Variants in SPIDR observed in about 807,000 individuals in gnomAD.
SPIDR encodes DNA repair-scaffolding protein.
A neutral mutation model predicts 104.6 loss-of-function variants in SPIDR; 93 were observed. The ratio of observed to expected loss-of-function variants is 0.89; its 90% CI spans 0.75 to 1.06. SPIDR has a LOEUF of 1.06. SPIDR is among the 50% of genes least tolerant of loss of function. The probability of loss-of-function intolerance (pLI) is 0.00; values close to 1 mark genes in which losing one functional copy is unlikely to be tolerated. For synonymous variants in SPIDR, 431 were observed against 416.9 expected (o/e 1.03, Z -0.41); for missense variants, 1,154 against 1,111.2 (o/e 1.04, Z -0.55).
intron 7 of SPIDR, among the ~76,000 whole-genome samples, chr8:47,417,846 A>G (rs1289164326): frequency 2.0e-5 from 3 of 152,160 alleles, no homozygotes; most frequent in South Asian, 2.1e-4. Flanking sequence ...ACATATGGCT[A>G]GCCAGTTTTC....
At chr8:47,323,107 GAAAAA>G (rs79721470) in intron 5 of SPIDR, among the ~76,000 whole-genome samples, 1 of 142,124 alleles carries the variant, frequency 7.0e-6, no homozygotes, top group Non-Finnish European at 1.5e-5. Context: ...AAGAAGAAGA[GAAAAA>G]AAAAAGAAAA....
chr8:47,530,170 T>C (rs1262148935), intron 8 of SPIDR, among the ~76,000 whole-genome samples: 1 of 152,156 alleles, frequency 6.6e-6, no homozygotes, highest in Admixed American at 6.6e-5. Context: ...TGATAAATAT[T>C]TGTGTGTCTA....
intron 10 of SPIDR, among the ~76,000 whole-genome samples, chr8:47,641,739 T>C (rs376574835): frequency 1.4e-4 from 21 of 152,262 alleles, no homozygotes; most frequent in African/African-American, 5.1e-4. Context: ...CAGGGAAACT[T>C]GGCCACTTAC....
chr8:47,489,535 C>T (rs1331870998), intron 8 of SPIDR, among the ~76,000 whole-genome samples: 2 of 152,076 alleles, frequency 1.3e-5, no homozygotes, highest in African/African-American at 4.8e-5. Flanking sequence ...AAAAGAGCCA[C>T]ATTGCCAAGA....
intron 4 of SPIDR, 71 bp from the exon 5 acceptor site, chr8:47,293,796 T>C: frequency 6.9e-7 from 1 of 1,446,752 alleles, no homozygotes; most frequent in Non-Finnish European, 9.4e-7. Flanking sequence ...TATTAACTGC[T>C]AAGAATAAAA....
chr8:47,625,231 G>C (rs866085676), intron 10 of SPIDR, among the ~76,000 whole-genome samples: 1 of 152,140 alleles, frequency 6.6e-6, no homozygotes, highest in Admixed American at 6.5e-5. Context: ...TTGATGAGAC[G>C]TACCTCAAAA....
At chr8:47,698,810 G>A (rs541568403) in intron 11 of SPIDR, among the ~76,000 whole-genome samples, 8 of 152,246 alleles carry the variant, frequency 5.3e-5, no homozygotes, top group African/African-American at 1.7e-4. Context: ...CCTTTTACAC[G>A]GGGCTCTCTA....
At chr8:47,554,720 C>G (rs76550862) in intron 8 of SPIDR, among the ~76,000 whole-genome samples, 1 of 152,198 alleles carries the variant, frequency 6.6e-6, no homozygotes, top group African/African-American at 2.4e-5. Context: ...GTGCCCCACC[C>G]TGCTTCGGCT....
chr8:47,525,805 G>A (rs959970714), intron 8 of SPIDR, among the ~76,000 whole-genome samples: 10 of 152,094 alleles, frequency 6.6e-5, no homozygotes, highest in African/African-American at 2.2e-4. Context: ...ACAAGGCACG[G>A]TGGTAGCACT....
intron 5 of SPIDR, among the ~76,000 whole-genome samples, chr8:47,317,450 C>G (rs1462374939): frequency 2.0e-5 from 3 of 152,262 alleles, no homozygotes; most frequent in South Asian, 4.2e-4. Context: ...AACAAAGCCA[C>G]AGGGAAGCTG....
At chr8:47,266,161 ACT>A (rs1366491127) in intron 1 of SPIDR, among the ~76,000 whole-genome samples, 3 of 125,952 alleles carry the variant, frequency 2.4e-5, no homozygotes, top group African/African-American at 9.3e-5. Flanking sequence ...TTGGAGTCTC[ACT>A]CTCTTGCCCA....
intron 10 of SPIDR, among the ~76,000 whole-genome samples, chr8:47,672,263 A>G (rs1443635398): frequency 1.3e-5 from 2 of 152,152 alleles, no homozygotes; most frequent in South Asian, 4.1e-4. Flanking sequence ...GGCCAGCCCC[A>G]CTTGGTATTT....
chr8:47,291,425 T>C (rs1234054804), intron 4 of SPIDR, among the ~76,000 whole-genome samples: 4 of 152,192 alleles, frequency 2.6e-5, no homozygotes, highest in Non-Finnish European at 5.9e-5. Context: ...GTATAGCCAC[T>C]CTGGAAAACA....
At chr8:47,482,995 A>C (rs926024225) in intron 8 of SPIDR, among the ~76,000 whole-genome samples, 1 of 152,162 alleles carries the variant, frequency 6.6e-6, no homozygotes, top group Non-Finnish European at 1.5e-5. Flanking sequence ...CCCCTCCCCA[A>C]GGAAAGGCCG....
intron 1 of SPIDR, among the ~76,000 whole-genome samples, chr8:47,265,244 C>A (rs2033688587): frequency 7.1e-6 from 1 of 140,384 alleles, no homozygotes; most frequent in Non-Finnish European, 1.5e-5. Context: ...GGCTGGGGTG[C>A]AGGGGTGCTA....
chr8:47,387,125 G>C (rs1167899766), intron 5 of SPIDR, among the ~76,000 whole-genome samples: 1 of 152,094 alleles, frequency 6.6e-6, no homozygotes, highest in African/African-American at 2.4e-5. Flanking sequence ...GAATGAGGAA[G>C]CATATTCTAG....
chr8:47,271,826 TGCCCA>T (rs1248135377), intron 1 of SPIDR, among the ~76,000 whole-genome samples: 3 of 152,142 alleles, frequency 2.0e-5, no homozygotes, highest in Non-Finnish European at 2.9e-5. Context: ...CTCACCACGA[TGCCCA>T]GGCTGGAGTG....
intron 16 of SPIDR, among the ~76,000 whole-genome samples, chr8:47,725,762 C>T (rs573442276): frequency 2.6e-5 from 4 of 152,344 alleles, no homozygotes; most frequent in Admixed American, 2.6e-4. Context: ...AAAAGATTTC[C>T]ACAATGGCTT....
chr8:47,446,934 T>TC (rs2070754453), intron 8 of SPIDR, among the ~76,000 whole-genome samples: 1 of 152,156 alleles, frequency 6.6e-6, no homozygotes, highest in Admixed American at 6.6e-5. Flanking sequence ...CTGAAAGGAC[T>TC]CACCATTCTA....
Sources: allele counts gnomAD v4.1 joint callset (sites outside exome capture counted in the v4.1 genomes callset), GRCh38; gene constraint gnomAD v4.1.1; transcripts MANE v1.5; gene names NCBI Gene and HGNC (gene_info 2026-07-23, HGNC 2026-07-21).